The following TANC1 variants were observed in gnomAD, a reference collection of about 807,000 sequenced individuals.
The protein encoded by TANC1 is tetratricopeptide repeat, ankyrin repeat and coiled-coil containing 1.
A neutral mutation model predicts 149.7 loss-of-function variants in TANC1; 77 were observed. The ratio of observed to expected loss-of-function variants is 0.51; its 90% CI spans 0.43 to 0.62. TANC1 has a LOEUF of 0.62. Among genes scored for constraint, TANC1 ranks in the 20% least tolerant of loss-of-function variants. The probability of loss-of-function intolerance (pLI) is 0.00; values close to 1 mark genes in which losing one functional copy is unlikely to be tolerated. For synonymous variants in TANC1, 854 were observed against 925.0 expected, an observed-to-expected ratio of 0.92 and a Z score of 1.39; for missense variants, 1,985 against 2,321.8, an observed-to-expected ratio of 0.85 and a Z score of 2.98.
chr2:159,179,424 G>A (rs979226735), intron 14 of TANC1, among the ~76,000 whole-genome samples: 4 of 152,040 alleles, frequency 2.6e-5, no homozygotes, highest in Admixed American at 6.6e-5. Flanking sequence ...GGTGGTGCCT[G>A]TGTGGTCCTT....
At chr2:159,193,918 G>A (rs1230209094) in intron 16 of TANC1, among the ~76,000 whole-genome samples, 1 of 151,950 alleles carries the variant, frequency 6.6e-6, no homozygotes, top group East Asian at 1.9e-4. Flanking sequence ...CTGTTCACAG[G>A]CATGATCATA....
chr2:159,135,574 A>T (rs1262378515), intron 4 of TANC1, among the ~76,000 whole-genome samples: 1 of 152,282 alleles, frequency 6.6e-6, no homozygotes, highest in Non-Finnish European at 1.5e-5. Context: ...CTGTGGGAAC[A>T]GGAGGTAGGA....
intron 2 of TANC1, among the ~76,000 whole-genome samples, chr2:159,055,322 A>G (rs979371090): frequency 6.6e-6 from 1 of 152,238 alleles, no homozygotes; most frequent in Non-Finnish European, 1.5e-5. Flanking sequence ...CTGCATGGCT[A>G]CTGGGTCCCT....
At position 159,194,481 on chromosome 2, in the gene TANC1, G is replaced by C; in HGVS notation, c.2967G>C (p.Lys989Asn). The C allele has an allele frequency of 6.2e-7, 1 of 1,614,094 alleles. No individual in the cohort carries two copies. The highest frequency in any genetic ancestry group is 1.1e-5 in the South Asian group (1 of 91,074). ...GHMKLVCLLTKKGVRVDHLDK... is the reference protein window; with the variant it reads ...GHMKLVCLLTNKGVRVDHLDK... ...TGAAGCTGGTGTGTCTGCTGACCAA[G>C]AAGGGAGTGAGAGTAAGCGGCAGCC... is the stretch of plus-strand genomic sequence containing the variant. Residue 989 changes from lysine to asparagine, a missense_variant, in exon 17 of 27, where the codon AAG becomes AAC. This residue lies in a region of TANC1 where 508 missense variants were observed against 714.2 expected (regional missense o/e 0.71). Transcript: ENST00000263635.
intron 16 of TANC1, among the ~76,000 whole-genome samples, chr2:159,191,005 AC>A (rs1359094839): frequency 6.6e-6 from 1 of 152,226 alleles, no homozygotes; most frequent in African/African-American, 2.4e-5. Flanking sequence ...TGCCCATGAA[AC>A]AGCAGTGTTA....
At chr2:159,151,298 G>A (rs2052781455) in intron 7 of TANC1, among the ~76,000 whole-genome samples, 1 of 152,210 alleles carries the variant, frequency 6.6e-6, no homozygotes, top group South Asian at 2.1e-4. Flanking sequence ...CAGACAGACT[G>A]CATTTATGTT....
intron 7 of TANC1, among the ~76,000 whole-genome samples, chr2:159,159,842 T>G (rs1266572746): frequency 7.3e-5 from 11 of 151,636 alleles, no homozygotes; most frequent in Admixed American, 7.2e-4. Flanking sequence ...TGGGATGTGA[T>G]CAGGTATACG....
At chr2:159,113,438 C>T (rs545834992) in intron 4 of TANC1, among the ~76,000 whole-genome samples, 2 of 152,248 alleles carry the variant, frequency 1.3e-5, no homozygotes, top group South Asian at 4.1e-4. Context: ...TAGTTGGTTT[C>T]CTCATTGAGA....
intron 1 of TANC1, among the ~76,000 whole-genome samples, chr2:158,981,518 T>TAC (rs1559096301): frequency 4.0e-4 from 47 of 118,384 alleles, no homozygotes; most frequent in African/African-American, 1.4e-3. Context: ...TATATATATA[T>TAC]ATATATATAT....
Position 159,194,455 on chromosome 2 carries a change from A to C in TANC1, c.2941A>C (p.Met981Leu), listed in dbSNP as rs997429382. 8 of 1,614,270 alleles carry C rather than the reference A, an allele frequency of 5.0e-6. No homozygotes were observed. Among genetic ancestry groups the C allele is most frequent in the Non-Finnish European group, 6.8e-6 (8 of 1,180,040 alleles). ...ALCYAAAAGH[M>L]KLVCLLTKKG... ...CTGTTACGCAGCAGCTGCTGGCCAC[A>C]TGAAGCTGGTGTGTCTGCTGACCAA... Residue 981 changes from methionine (M) to leucine (L), a missense_variant, in exon 17 of 27, where the codon ATG becomes CTG. Met to Leu is a conservative substitution (Grantham distance 15). This residue lies in a region of TANC1 where 508 missense variants were observed against 714.2 expected (regional missense o/e 0.71). Coordinates refer to ENST00000263635, the MANE Select transcript of TANC1 (RefSeq NM_033394.3).
intron 3 of TANC1, among the ~76,000 whole-genome samples, chr2:159,073,233 A>G (rs1369809666): frequency 1.3e-5 from 2 of 152,128 alleles, no homozygotes; most frequent in Non-Finnish European, 2.9e-5. Flanking sequence ...TAGCTTTTCC[A>G]TGTGTTTTAG....
chr2:158,982,322 T>C (rs1445519143), intron 1 of TANC1, among the ~76,000 whole-genome samples: 1 of 152,192 alleles, frequency 6.6e-6, no homozygotes, highest in African/African-American at 2.4e-5. Context: ...ACTCCTTTTT[T>C]CTCCCCTCTT....
chr2:159,122,293 T>C (rs948613197), intron 4 of TANC1, among the ~76,000 whole-genome samples: 3 of 152,144 alleles, frequency 2.0e-5, no homozygotes, highest in African/African-American at 7.2e-5. Flanking sequence ...AAGGAGATGA[T>C]AGATGCTGGG....
rs1016900367 is a variant in TANC1 at position 159,135,518 on chromosome 2, A to G, written c.260-676A>G. Among the ~76,000 whole-genome samples, 14 of 152,378 alleles carry G rather than the reference A, an allele frequency of 9.2e-5. No individual in the cohort carries two copies. In the South Asian group the frequency reaches 1.4e-3, roughly 16 times the overall value. ...CTGCATCATTGTATGTGAGGGTTCC[A>G]TCCAGTCTTACGAAGAATTCCGGAT... is the stretch of plus-strand genomic sequence containing the variant. On this transcript the variant is annotated intron_variant, in intron 4 of 26. Transcript: ENST00000263635.
chr2:159,207,697 CAAAAAAAAAAAAAA>C (rs10603858), intron 19 of TANC1, among the ~76,000 whole-genome samples: 29 of 49,432 alleles, frequency 5.9e-4, no homozygotes, highest in African/African-American at 3.3e-3. Context: ...ACACGTGTCT[CAAAAAAAAAAAAAA>C]AAAAAAAAAA....
At chr2:159,083,585 A>G (rs2044506324) in intron 3 of TANC1, among the ~76,000 whole-genome samples, 1 of 152,144 alleles carries the variant, frequency 6.6e-6, no homozygotes, top group Admixed American at 6.5e-5. Flanking sequence ...ACATTTGCTT[A>G]TTTTCATACT....
At chr2:158,974,080 TCTC>T (rs1257248290) in intron 1 of TANC1, among the ~76,000 whole-genome samples, 1 of 152,196 alleles carries the variant, frequency 6.6e-6, no homozygotes, top group Non-Finnish European at 1.5e-5. Flanking sequence ...GGTTCTTTCT[TCTC>T]CTGTTGTCCT....
At chr2:159,151,127 C>G (rs777521134) in intron 7 of TANC1, among the ~76,000 whole-genome samples, 2 of 152,168 alleles carry the variant, frequency 1.3e-5, no homozygotes, top group South Asian at 2.1e-4. Flanking sequence ...CGGACTCTTA[C>G]GCCGATTTGC....
At chr2:159,219,975 A>AGTGTGTGTGTGTGTGTGT (rs775529868) in intron 22 of TANC1, 108 bp downstream of exon 22, 1 of 693,554 alleles carries the variant, frequency 1.4e-6, no homozygotes, top group Admixed American at 3.2e-5. Context: ...GTGTCATCAG[A>AGTGTGTGTGTGTGTGTGT]GAGTGTGTGT....
Sources: allele counts gnomAD v4.1 joint callset (sites outside exome capture counted in the v4.1 genomes callset), GRCh38; gene constraint gnomAD v4.1.1; regional missense constraint gnomAD v4.1.1; transcripts MANE v1.5; gene names NCBI Gene and HGNC (gene_info 2026-07-23, HGNC 2026-07-21).